The following LSAMP variants were observed in gnomAD, a reference collection of about 807,000 sequenced individuals.
The protein encoded by LSAMP is limbic system associated membrane protein, also known as limbic system-associated membrane protein.
LSAMP carries 7 observed loss-of-function variants against 38.6 expected under a neutral mutation model. The observed-to-expected ratio is 0.18, with a 90% confidence interval of 0.10 to 0.34. The LOEUF is 0.34. LSAMP is among the 10% of genes least tolerant of loss of function. The pLI is 1.00. For synonymous variants in LSAMP, 154 were observed against 166.8 expected (o/e 0.92, Z 0.59); for missense variants, 313 against 420.0 (o/e 0.75, Z 2.23).
chr3:116,130,369 T>C (rs9866658), intron 1 of LSAMP, among the ~76,000 whole-genome samples: 1 of 152,064 alleles, frequency 6.6e-6, no homozygotes, highest in South Asian at 2.1e-4. Context: ...GTGTTGATTA[T>C]ATCTCAACGG....
chr3:116,246,105 G>A (rs541481455), intron 1 of LSAMP, among the ~76,000 whole-genome samples: 14 of 152,216 alleles, frequency 9.2e-5, no homozygotes, highest in African/African-American at 1.9e-4. Context: ...GCTTAAAACC[G>A]CCAATTAATG....
chr3:116,340,850 T>C (rs1276911286), intron 1 of LSAMP, among the ~76,000 whole-genome samples: 1 of 152,034 alleles, frequency 6.6e-6, no homozygotes, highest in East Asian at 1.9e-4. Context: ...GTGTCTAGAC[T>C]CTCTGAAAGT....
At chr3:115,890,084 T>C (rs1400256) in intron 3 of LSAMP, among the ~76,000 whole-genome samples, 68,285 of 151,678 alleles carry the variant, frequency 0.45, 15,924 homozygotes, top group African/African-American at 0.58. Flanking sequence ...AGTAAACTTC[T>C]ATTTTAATGA....
At chr3:116,234,741 C>G (rs2046444777) in intron 1 of LSAMP, among the ~76,000 whole-genome samples, 1 of 152,088 alleles carries the variant, frequency 6.6e-6, no homozygotes, top group Admixed American at 6.6e-5. Flanking sequence ...AATTGAGGCC[C>G]TGAGTACCTA....
intron 6 of LSAMP, among the ~76,000 whole-genome samples, chr3:115,822,723 G>T (rs1210196964): frequency 6.6e-6 from 1 of 152,104 alleles, no homozygotes; most frequent in African/African-American, 2.4e-5. Flanking sequence ...CATCAAACCA[G>T]CTGAGAAAAC....
At chr3:116,354,379 G>C (rs757740048) in intron 1 of LSAMP, among the ~76,000 whole-genome samples, 3 of 152,118 alleles carry the variant, frequency 2.0e-5, no homozygotes, top group Admixed American at 2.0e-4. Context: ...ACCTTACTTA[G>C]TTCAGGCCTT....
At chr3:115,887,092 C>T (rs1408950261) in intron 3 of LSAMP, among the ~76,000 whole-genome samples, 2 of 151,836 alleles carry the variant, frequency 1.3e-5, no homozygotes, top group African/African-American at 4.8e-5. Context: ...CTTTGAACCC[C>T]CTTGACCTTA....
At chr3:116,015,911 C>T (rs1457305853) in intron 3 of LSAMP, among the ~76,000 whole-genome samples, 1 of 152,078 alleles carries the variant, frequency 6.6e-6, no homozygotes, top group African/African-American at 2.4e-5. Flanking sequence ...ATCCAGGGCT[C>T]AATATCCCTG....
intron 2 of LSAMP, among the ~76,000 whole-genome samples, chr3:116,067,151 T>C (rs1464322715): frequency 2.0e-5 from 3 of 152,166 alleles, no homozygotes; most frequent in Non-Finnish European, 4.4e-5. Context: ...CTTGACTAAA[T>C]ATATTCCTTT....
chr3:116,139,731 T>A (rs1709330004), intron 1 of LSAMP, among the ~76,000 whole-genome samples: 1 of 151,968 alleles, frequency 6.6e-6, no homozygotes, highest in South Asian at 2.1e-4. Flanking sequence ...AGACCTGTAA[T>A]GCTTCTCGTG....
chr3:116,202,267 T>C lies in LSAMP; in HGVS notation c.156-115711A>G, dbSNP rs371669757. On this transcript the variant is annotated intron_variant, in intron 1 of 6. Transcript: ENST00000490035. ...TCTCCTGCCTCAGCCTCCTGAGTAG[T>C]TGGGACTACAGGCGCATGCCACCAC... Among the ~76,000 whole-genome samples the C allele has an allele frequency of 2.6e-5, 4 of 151,642 alleles. No homozygotes were observed. The East Asian group carries it at 5.8e-4, about 22-fold the overall frequency.
chr3:116,380,641 C>A (rs933987704), intron 1 of LSAMP, among the ~76,000 whole-genome samples: 1 of 151,996 alleles, frequency 6.6e-6, no homozygotes, highest in African/African-American at 2.4e-5. Flanking sequence ...TTTGTACTTA[C>A]AAAGTGGGGC....
chr3:116,132,730 A>T (rs1051224521), intron 1 of LSAMP, among the ~76,000 whole-genome samples: 20 of 152,154 alleles, frequency 1.3e-4, no homozygotes, highest in Non-Finnish European at 2.4e-4. Flanking sequence ...TTTCTCTGAA[A>T]CTAGAATAAC....
chr3:115,884,401 A>G (rs1936398425), intron 3 of LSAMP, among the ~76,000 whole-genome samples: 1 of 152,074 alleles, frequency 6.6e-6, no homozygotes, highest in Non-Finnish European at 1.5e-5. Context: ...AAGTAATAAA[A>G]GGCAACGAAG....
chr3:116,406,565 AC>A (rs1436476387), intron 1 of LSAMP, among the ~76,000 whole-genome samples: 1 of 151,948 alleles, frequency 6.6e-6, no homozygotes, highest in Non-Finnish European at 1.5e-5. Flanking sequence ...AAATACTTCC[AC>A]TTAAACCTCA....
At chr3:116,155,435 C>T (rs1709722974) in intron 1 of LSAMP, among the ~76,000 whole-genome samples, 1 of 151,918 alleles carries the variant, frequency 6.6e-6, no homozygotes, top group Non-Finnish European at 1.5e-5. Context: ...ACCATGTTGG[C>T]CAGGCTGGTT....
intron 3 of LSAMP, among the ~76,000 whole-genome samples, chr3:115,903,061 C>G (rs1174628318): frequency 6.6e-6 from 1 of 152,084 alleles, no homozygotes; most frequent in African/African-American, 2.4e-5. Flanking sequence ...GCACTATTGA[C>G]AATAGCAAAG....
chr3:116,294,993 C>T (rs1434140786), intron 1 of LSAMP, among the ~76,000 whole-genome samples: 1 of 152,042 alleles, frequency 6.6e-6, no homozygotes, highest in East Asian at 1.9e-4. Flanking sequence ...GTCAAGAGAG[C>T]AGGAAATAAA....
chr3:116,176,518 C>T (rs1710345265), intron 1 of LSAMP, among the ~76,000 whole-genome samples: 1 of 152,092 alleles, frequency 6.6e-6, no homozygotes, highest in African/African-American at 2.4e-5. Flanking sequence ...ACTAAAGAAG[C>T]CAATAACTAA....
Sources: allele counts gnomAD v4.1 joint callset (sites outside exome capture counted in the v4.1 genomes callset), GRCh38; gene constraint gnomAD v4.1.1; transcripts MANE v1.5; gene names NCBI Gene and HGNC (gene_info 2026-07-23, HGNC 2026-07-21).